The following HEMK2 variants were observed in gnomAD, a reference collection of about 807,000 sequenced individuals.
HEMK2 encodes methyltransferase HEMK2.
chr21:28,653,073 C>T, the HEMK2 span, among the ~76,000 whole-genome samples: 1 of 152,092 alleles, frequency 6.6e-6, no homozygotes, highest in South Asian at 2.1e-4. Context: ...AAGAGAGATG[C>T]CAAGAGTCCA....
At chr21:28,624,204 C>A in the HEMK2 span, among the ~76,000 whole-genome samples, 3 of 152,186 alleles carry the variant, frequency 2.0e-5, no homozygotes, top group East Asian at 1.9e-4. Flanking sequence ...CTTTGTAATA[C>A]CAGAAGCACA....
the HEMK2 span, among the ~76,000 whole-genome samples, chr21:28,643,447 G>C: frequency 8.4e-5 from 12 of 143,712 alleles, no homozygotes; most frequent in African/African-American, 3.2e-4. Context: ...AGAGACTGAG[G>C]GGGGAGGATT....
chr21:28,757,781 G>GTT, the HEMK2 span, among the ~76,000 whole-genome samples: 1 of 152,152 alleles, frequency 6.6e-6, no homozygotes, highest in Admixed American at 6.5e-5. Flanking sequence ...CCAAGAGGGG[G>GTT]TTTCCATGAA....
chr21:28,880,395 A>G, the HEMK2 span, among the ~76,000 whole-genome samples: 1 of 150,806 alleles, frequency 6.6e-6, no homozygotes, highest in Non-Finnish European at 1.5e-5. Context: ...GTGTTTCACC[A>G]TTCTATCAAA....
the HEMK2 span, among the ~76,000 whole-genome samples, chr21:28,870,438 T>C: frequency 6.6e-6 from 1 of 152,306 alleles, no homozygotes; most frequent in East Asian, 1.9e-4. Flanking sequence ...CTTGCTCTTG[T>C]TGCCCAGGCT....
the HEMK2 span, among the ~76,000 whole-genome samples, chr21:28,820,105 A>C: frequency 6.6e-6 from 1 of 152,218 alleles, no homozygotes; most frequent in African/African-American, 2.4e-5. Flanking sequence ...AAAGTGAAGG[A>C]GTTCAGGGAA....
the HEMK2 span, among the ~76,000 whole-genome samples, chr21:28,603,064 G>A: frequency 1.1e-4 from 17 of 152,126 alleles, no homozygotes; most frequent in Non-Finnish European, 1.8e-4. Context: ...TCATCTCAAG[G>A]AGGAAAGCCC....
the HEMK2 span, among the ~76,000 whole-genome samples, chr21:28,712,888 C>G: frequency 2.6e-5 from 4 of 152,212 alleles, no homozygotes; most frequent in East Asian, 5.8e-4. Flanking sequence ...TAATTTACAC[C>G]AATCATGGCA....
At chr21:28,759,587 A>T in the HEMK2 span, among the ~76,000 whole-genome samples, 1 of 152,036 alleles carries the variant, frequency 6.6e-6, no homozygotes, top group Non-Finnish European at 1.5e-5. Context: ...GAGATTTGGG[A>T]GGGGCCGGGG....
the HEMK2 span, among the ~76,000 whole-genome samples, chr21:28,779,597 G>A: frequency 1.3e-5 from 2 of 152,196 alleles, no homozygotes; most frequent in African/African-American, 2.4e-5. Context: ...AAGTTGCTAA[G>A]AGTACATTTC....
At chr21:28,805,606 C>T in the HEMK2 span, among the ~76,000 whole-genome samples, 1 of 152,104 alleles carries the variant, frequency 6.6e-6, no homozygotes, top group Non-Finnish European at 1.5e-5. Context: ...GTTTTGAGTC[C>T]CTGATTCTTT....
the HEMK2 span, among the ~76,000 whole-genome samples, chr21:28,878,714 A>G: frequency 6.6e-5 from 10 of 151,804 alleles, no homozygotes; most frequent in Admixed American, 6.6e-4. Context: ...CAAGGGCTTA[A>G]TAAGTTATTA....
At chr21:28,861,291 A>C in the HEMK2 span, among the ~76,000 whole-genome samples, 1 of 152,230 alleles carries the variant, frequency 6.6e-6, no homozygotes, top group East Asian at 1.9e-4. Flanking sequence ...TGTAATAAAC[A>C]GCAGAGGCAA....
chr21:28,831,486 A>AGAAGGAAG, the HEMK2 span, among the ~76,000 whole-genome samples: 6 of 65,784 alleles, frequency 9.1e-5, no homozygotes, highest in African/African-American at 4.7e-4. Flanking sequence ...AAAGAAAGAA[A>AGAAGGAAG]GAAAGAAAGA....
At chr21:28,828,372 T>C in the HEMK2 span, among the ~76,000 whole-genome samples, 1 of 152,144 alleles carries the variant, frequency 6.6e-6, no homozygotes, top group Admixed American at 6.5e-5. Context: ...GCTTTTCTCC[T>C]CTAAAGTGAC....
At chr21:28,748,342 T>C in the HEMK2 span, among the ~76,000 whole-genome samples, 1 of 152,258 alleles carries the variant, frequency 6.6e-6, no homozygotes. Flanking sequence ...ATAATGATAT[T>C]CACCTTTTAC....
chr21:28,838,823 C>T, the HEMK2 span, among the ~76,000 whole-genome samples: 1 of 149,750 alleles, frequency 6.7e-6, no homozygotes, highest in East Asian at 2.0e-4. Context: ...CCTGTAATCC[C>T]AGCTACTCGG....
the HEMK2 span, among the ~76,000 whole-genome samples, chr21:28,749,953 A>G: frequency 6.6e-6 from 1 of 152,238 alleles, no homozygotes; most frequent in Non-Finnish European, 1.5e-5. Context: ...AAAAATAAAA[A>G]TAATCCGTTA....
chr21:28,812,295 T>C, the HEMK2 span, among the ~76,000 whole-genome samples: 1 of 152,196 alleles, frequency 6.6e-6, no homozygotes, highest in African/African-American at 2.4e-5. Context: ...TAAATTGCTC[T>C]TATTATTTTG....
Sources: allele counts gnomAD v4.1 joint callset (sites outside exome capture counted in the v4.1 genomes callset), GRCh38; gene constraint gnomAD v4.1.1; transcripts MANE v1.5; gene names NCBI Gene and HGNC (gene_info 2026-07-23, HGNC 2026-07-21).